NR3C2: variants seen among roughly 807,000 people sequenced by gnomAD.
NR3C2 encodes the protein mineralocorticoid receptor.
NR3C2 carries 15 observed loss-of-function variants against 86.4 expected under a neutral mutation model. The ratio of observed to expected loss-of-function variants is 0.17; its 90% CI spans 0.12 to 0.27. The LOEUF (loss-of-function observed/expected upper bound fraction) is 0.27. NR3C2 is among the 10% of genes least tolerant of loss of function. NR3C2 has a pLI of 1.00. For missense variants in NR3C2, 960 were observed against 1,195.6 expected (o/e 0.80, Z 2.91); for synonymous variants, 458 against 450.5 (o/e 1.02, Z -0.21).
chr4:148,118,986 T>C (rs986719550), intron 7 of NR3C2, among the ~76,000 whole-genome samples: 1 of 152,152 alleles, frequency 6.6e-6, no homozygotes, highest in Non-Finnish European at 1.5e-5. Context: ...TCCTATCCTG[T>C]CTCTCTCCTC....
chr4:148,417,684 C>A (rs1749078809), intron 2 of NR3C2, among the ~76,000 whole-genome samples: 1 of 152,118 alleles, frequency 6.6e-6, no homozygotes, highest in Admixed American at 6.6e-5. Flanking sequence ...TTTAAAAACC[C>A]ACAGAGCAAA....
chr4:148,438,737 A>C (rs1750192863), intron 1 of NR3C2, among the ~76,000 whole-genome samples: 1 of 152,242 alleles, frequency 6.6e-6, no homozygotes, highest in Non-Finnish European at 1.5e-5. Flanking sequence ...TAGATAGCAC[A>C]AAGCCCTATG....
In NR3C2 at chr4:148,284,778, T is replaced by C. The variant is rs549128349; in HGVS notation, c.1758-24661A>G. ...TAATTCTACGCCACTGTCCAAATTT[T>C]CTGACCTTCAAAGAGAGACGAAGGA... On this transcript the variant is annotated intron_variant, in intron 2 of 8. Transcript: ENST00000358102. 2.0e-5 allele frequency among the ~76,000 whole-genome samples: 3 copies of C among 152,308 alleles called. No individual in the cohort carries two copies. The South Asian group carries it at 6.2e-4, about 32-fold the overall frequency.
At chr4:148,106,546 G>GTA (rs959365116) in intron 8 of NR3C2, among the ~76,000 whole-genome samples, 2 of 152,052 alleles carry the variant, frequency 1.3e-5, no homozygotes, top group African/African-American at 4.8e-5. Flanking sequence ...AAAAGAGCCC[G>GTA]TATAGCCAAG....
intron 3 of NR3C2, among the ~76,000 whole-genome samples, chr4:148,252,823 T>A (rs1249123093): frequency 6.6e-6 from 1 of 152,186 alleles, no homozygotes; most frequent in Admixed American, 6.5e-5. Flanking sequence ...GTTGTTTTTT[T>A]TGTTTCACTT....
At chr4:148,438,291 TC>T (rs1750172417) in intron 1 of NR3C2, among the ~76,000 whole-genome samples, 1 of 152,132 alleles carries the variant, frequency 6.6e-6, no homozygotes, top group Admixed American at 6.5e-5. Context: ...TGAAAATGTC[TC>T]CAGACATTAC....
At chr4:148,104,089 G>A (rs929834522) in intron 8 of NR3C2, among the ~76,000 whole-genome samples, 5 of 152,188 alleles carry the variant, frequency 3.3e-5, no homozygotes, top group African/African-American at 1.2e-4. Context: ...CCTTGTGAAA[G>A]AAGAAATTTG....
chr4:148,181,460 G>A (rs1378639435), intron 4 of NR3C2, among the ~76,000 whole-genome samples: 2 of 152,198 alleles, frequency 1.3e-5, no homozygotes, highest in Non-Finnish European at 2.9e-5. Context: ...TGGCCAGGGG[G>A]CAGTCAAGCT....
chr4:148,276,097 A>C (rs1185521854), intron 2 of NR3C2, among the ~76,000 whole-genome samples: 1 of 152,178 alleles, frequency 6.6e-6, no homozygotes, highest in East Asian at 1.9e-4. Flanking sequence ...GCCCAATGTA[A>C]GATTTTCACC....
intron 2 of NR3C2, among the ~76,000 whole-genome samples, chr4:148,423,989 A>T (rs2126616312): frequency 6.6e-6 from 1 of 152,384 alleles, no homozygotes; most frequent in Middle Eastern, 3.4e-3. Context: ...CTAGGATTAT[A>T]GGCGTGAGCC....
At chr4:148,403,670 T>C (rs1158123739) in intron 2 of NR3C2, among the ~76,000 whole-genome samples, 1 of 152,098 alleles carries the variant, frequency 6.6e-6, no homozygotes, top group Non-Finnish European at 1.5e-5. Flanking sequence ...TATGTTAGAT[T>C]TGATCACAGT....
intron 3 of NR3C2, among the ~76,000 whole-genome samples, chr4:148,224,988 A>G (rs1007946597): frequency 2.0e-5 from 3 of 152,224 alleles, no homozygotes; most frequent in African/African-American, 4.8e-5. Flanking sequence ...ACTGATGAAC[A>G]AAGAGCAGCT....
intron 6 of NR3C2, among the ~76,000 whole-genome samples, chr4:148,134,063 G>C (rs916659937): frequency 3.3e-5 from 5 of 152,174 alleles, no homozygotes; most frequent in African/African-American, 1.2e-4. Flanking sequence ...AGGAAAGGTA[G>C]TTTCTTCTAT....
chr4:148,323,845 C>T (rs1027898701), intron 2 of NR3C2, among the ~76,000 whole-genome samples: 4 of 147,702 alleles, frequency 2.7e-5, no homozygotes, highest in Non-Finnish European at 4.4e-5. Context: ...TCTTCTGCGT[C>T]GCTCACGCTG....
chr4:148,182,397 A>C (rs1354239891), intron 4 of NR3C2, among the ~76,000 whole-genome samples: 1 of 152,254 alleles, frequency 6.6e-6, no homozygotes, highest in Non-Finnish European at 1.5e-5. Flanking sequence ...AAAGTTAATT[A>C]TTTAATTCAT....
intron 4 of NR3C2, among the ~76,000 whole-genome samples, chr4:148,193,268 T>G (rs957726716): frequency 6.6e-6 from 1 of 152,180 alleles, no homozygotes; most frequent in African/African-American, 2.4e-5. Flanking sequence ...TGGGGGTGTG[T>G]GTTCAGGAGA....
At chr4:148,310,641 G>A (rs551746593) in intron 2 of NR3C2, among the ~76,000 whole-genome samples, 5 of 152,098 alleles carry the variant, frequency 3.3e-5, no homozygotes, top group Non-Finnish European at 4.4e-5. Flanking sequence ...TCGACTCTTC[G>A]CCTGGTAAAT....
intron 8 of NR3C2, among the ~76,000 whole-genome samples, chr4:148,096,317 T>G (rs775492077): frequency 2.0e-5 from 3 of 152,216 alleles, no homozygotes; most frequent in Admixed American, 6.5e-5. Context: ...CCTAATCTTG[T>G]TTTCAATATT....
chr4:148,237,941 G>T (rs1397585424), intron 3 of NR3C2, among the ~76,000 whole-genome samples: 2 of 151,986 alleles, frequency 1.3e-5, no homozygotes, highest in Non-Finnish European at 2.9e-5. Context: ...ATATCACAAG[G>T]AGAAATTTAG....
Sources: gnomAD v4.1 joint callset for allele counts (sites outside exome capture counted in the v4.1 genomes callset) on GRCh38, gnomAD v4.1.1 for gene constraint, MANE v1.5 for transcripts, NCBI Gene and HGNC (gene_info 2026-07-23, HGNC 2026-07-21) for gene names.